CYP2C19: variants seen among roughly 807,000 people sequenced by gnomAD.
CYP2C19 encodes the protein cytochrome P450 2C19.
Under a neutral mutation model 40.9 loss-of-function variants are expected in CYP2C19, and 59 were observed. The ratio of observed to expected loss-of-function variants is 1.44; its 90% CI spans 1.17 to 1.79. CYP2C19 has a LOEUF of 1.79. CYP2C19 is among the 40% of genes most tolerant of loss of function. CYP2C19 has a pLI of 0.00. For missense variants in CYP2C19, 754 were observed against 596.9 expected, an observed-to-expected ratio of 1.26 and a Z score of -2.74; for synonymous variants, 253 against 208.7, an observed-to-expected ratio of 1.21 and a Z score of -1.83.
At chr10:94,787,926 G>A (rs1395879854) in intron 5 of CYP2C19, among the ~76,000 whole-genome samples, 2 of 152,114 alleles carry the variant, frequency 1.3e-5, no homozygotes, top group Non-Finnish European at 1.5e-5. Context: ...AGTTTGATAG[G>A]AATAGCATTG....
chr10:94,815,646 C>A (rs1368045044), intron 5 of CYP2C19, among the ~76,000 whole-genome samples: 1 of 152,152 alleles, frequency 6.6e-6, no homozygotes, highest in East Asian at 1.9e-4. Context: ...CATCATTCTC[C>A]TTTCTCTTCA....
chr10:94,815,218 G>A (rs981077703), intron 5 of CYP2C19, among the ~76,000 whole-genome samples: 1 of 151,596 alleles, frequency 6.6e-6, no homozygotes, highest in South Asian at 2.1e-4. Flanking sequence ...GGCAAGCTTA[G>A]AAAACTGTGT....
In CYP2C19 at chr10:94,796,551, T is replaced by TG. The variant is rs1249374453; in HGVS notation, c.819+14558dup. Among the ~76,000 whole-genome samples the TG allele has an allele frequency of 3.3e-5, 5 of 152,154 alleles. 1 individual carries two copies. Among genetic ancestry groups the TG allele is most frequent in the Admixed American group, 1.3e-4 (2 of 15,282 alleles). On this transcript the variant is annotated intron_variant, in intron 5 of 8. Transcript: ENST00000371321. ...GTGAAGAAAGTCATTGGTATCTTGA[T>TG]GGGGATGGCATTGAATCTATAAATT...
intron 1 of CYP2C19, among the ~76,000 whole-genome samples, chr10:94,767,137 A>T (rs571087985): frequency 6.4e-4 from 97 of 152,230 alleles, no homozygotes; most frequent in Non-Finnish European, 1.1e-3. Flanking sequence ...ATTTTGTGAG[A>T]ATTTCGGATT....
chr10:94,772,010 A>T (rs544072575), intron 1 of CYP2C19, among the ~76,000 whole-genome samples: 1 of 152,164 alleles, frequency 6.6e-6, no homozygotes, highest in Non-Finnish European at 1.5e-5. Flanking sequence ...TTACCAATGC[A>T]TTCTCAAAAA....
intron 3 of CYP2C19, among the ~76,000 whole-genome samples, chr10:94,780,285 C>A (rs1046074530): frequency 7.9e-5 from 12 of 152,068 alleles, no homozygotes; most frequent in Non-Finnish European, 1.6e-4. Flanking sequence ...ATTTGAGCAA[C>A]CATTATTTAA....
At position 94,842,838 on chromosome 10, in the gene CYP2C19, T is replaced by C. The variant is rs1178582722; in HGVS notation, c.963T>C (p.Ala321=). 6.2e-7 allele frequency: 1 copy of C among 1,614,160 alleles called. No individual in the cohort carries two copies. The highest frequency in any genetic ancestry group is 1.1e-5 in the South Asian group (1 of 91,088). The change falls in exon 7 of 9, where the codon GCT becomes GCC. Residue 321 remains alanine, a splice_region_variant and synonymous_variant. Transcript: ENST00000371321. ...LLLLKHPEVT[A]KVQEEIERVI... is the part of the protein sequence containing the mutation. ...CAGTTCTTACTTGTGTCTTGTCAGC[T>C]AAAGTCCAGGAAGAGATTGAACGTG...
chr10:94,821,450 C>T (rs1011513867), intron 6 of CYP2C19, among the ~76,000 whole-genome samples: 16 of 152,262 alleles, frequency 1.1e-4, no homozygotes, highest in Admixed American at 1.3e-4. Flanking sequence ...AATTCCTAGT[C>T]TGATAAGTAT....
chr10:94,793,114 T>C (rs181860919), intron 5 of CYP2C19, among the ~76,000 whole-genome samples: 2 of 152,310 alleles, frequency 1.3e-5, no homozygotes, highest in African/African-American at 4.8e-5. Flanking sequence ...TGATCTTCAG[T>C]CTCTGATACC....
chr10:94,821,186 G>GC (rs1404380449), intron 6 of CYP2C19, among the ~76,000 whole-genome samples: 2 of 152,306 alleles, frequency 1.3e-5, no homozygotes, highest in Middle Eastern at 3.4e-3. Flanking sequence ...AGTTTCAAAA[G>GC]CAATAGAGCT....
intron 7 of CYP2C19, among the ~76,000 whole-genome samples, chr10:94,844,108 C>CT (rs34374889): frequency 0.17 from 25,434 of 152,042 alleles, 2,332 homozygotes; most frequent in South Asian, 0.33. Flanking sequence ...TTAGGCCAGC[C>CT]TTATAAAACT....
rs769135473 is a variant in CYP2C19, at chr10:94,762,880, A to G, written c.168+7A>G. 2.9e-5 allele frequency: 46 copies of G among 1,612,280 alleles called. No individual in the cohort carries two copies. The highest frequency in any genetic ancestry group is 3.8e-5 in the Non-Finnish European group (45 of 1,178,644). On this transcript the variant is annotated splice_region_variant and intron_variant, in intron 1 of 8. Transcript: ENST00000371321. Reference sequence around the variant, plus strand: ...CAGCAAATCCTTAACCAATGTAAGTATGCTCCTTCAGTGGCTTGCAAAAGG... The same window carrying G: ...CAGCAAATCCTTAACCAATGTAAGTGTGCTCCTTCAGTGGCTTGCAAAAGG...
chr10:94,842,719 T>A, intron 6 of CYP2C19, 118 bp from the exon 7 acceptor site: 1 of 1,144,412 alleles, frequency 8.7e-7, no homozygotes, highest in Non-Finnish European at 1.3e-6. Flanking sequence ...TCCAGCACTA[T>A]AATTTAAATT....
chr10:94,811,416 G>A (rs1848921418), intron 5 of CYP2C19, among the ~76,000 whole-genome samples: 1 of 152,236 alleles, frequency 6.6e-6, no homozygotes, highest in African/African-American at 2.4e-5. Context: ...CCAGAGCTTA[G>A]TTCAAGTCCT....
chr10:94,797,204 G>T (rs1167479360), intron 5 of CYP2C19, among the ~76,000 whole-genome samples: 1 of 151,946 alleles, frequency 6.6e-6, no homozygotes, highest in Non-Finnish European at 1.5e-5. Flanking sequence ...AGCATGACGG[G>T]TTATTGAATT....
At chr10:94,781,425 A>G (rs1313525915) in intron 4 of CYP2C19, among the ~76,000 whole-genome samples, 3 of 152,144 alleles carry the variant, frequency 2.0e-5, no homozygotes, top group East Asian at 3.9e-4. Flanking sequence ...AGCAGGGACT[A>G]TCTTTGTAGT....
At chr10:94,772,527 G>A (rs1246522164) in intron 1 of CYP2C19, among the ~76,000 whole-genome samples, 1 of 152,164 alleles carries the variant, frequency 6.6e-6, no homozygotes, top group African/African-American at 2.4e-5. Context: ...AGGATAGATA[G>A]GCAAGTCTCT....
At chr10:94,818,596 G>A (rs1849053288) in intron 5 of CYP2C19, among the ~76,000 whole-genome samples, 1 of 142,380 alleles carries the variant, frequency 7.0e-6, no homozygotes, top group Admixed American at 7.1e-5. Flanking sequence ...TCCTTGAAGA[G>A]GTCCTTCACA....
chr10:94,834,898 C>T (rs1849379312), intron 6 of CYP2C19, among the ~76,000 whole-genome samples: 1 of 152,134 alleles, frequency 6.6e-6, no homozygotes, highest in African/African-American at 2.4e-5. Context: ...TCTAAGTCCC[C>T]CATCTCAACA....
Sources: gnomAD v4.1 joint callset for allele counts (sites outside exome capture counted in the v4.1 genomes callset) on GRCh38, gnomAD v4.1.1 for gene constraint, MANE v1.5 for transcripts, NCBI Gene and HGNC (gene_info 2026-07-23, HGNC 2026-07-21) for gene names.